The following ENOX1 variants were observed in gnomAD, a reference collection of about 807,000 sequenced individuals.
The protein encoded by ENOX1 is ecto-NOX disulfide-thiol exchanger 1.
ENOX1 carries 42 observed loss-of-function variants against 82.5 expected under a neutral mutation model. That is an observed-to-expected ratio of 0.51 (90% CI 0.40 to 0.66). The LOEUF (loss-of-function observed/expected upper bound fraction) is 0.66. Ranked by LOEUF, ENOX1 falls within the 30% of genes least tolerant of loss-of-function variation. The probability of loss-of-function intolerance (pLI) is 0.00; values close to 1 mark genes in which losing one functional copy is unlikely to be tolerated. For missense variants in ENOX1, 608 were observed against 811.6 expected, an observed-to-expected ratio of 0.75 and a Z score of 3.05; for synonymous variants, 271 against 282.2, an observed-to-expected ratio of 0.96 and a Z score of 0.40.
chr13:43,379,468 T>C (rs146139601), intron 5 of ENOX1, among the ~76,000 whole-genome samples: 6 of 152,110 alleles, frequency 3.9e-5, no homozygotes, highest in African/African-American at 1.4e-4. Flanking sequence ...AATAGAGAGA[T>C]GGAAGATTAA....
At chr13:43,754,995 C>T (rs1050711744) in intron 1 of ENOX1, among the ~76,000 whole-genome samples, 2 of 151,940 alleles carry the variant, frequency 1.3e-5, no homozygotes, top group Non-Finnish European at 1.5e-5. Flanking sequence ...TTCCTGCTTG[C>T]TGCATTGATT....
At chr13:43,569,161 C>T (rs745489028) in intron 2 of ENOX1, among the ~76,000 whole-genome samples, 18 of 152,130 alleles carry the variant, frequency 1.2e-4, no homozygotes, top group Non-Finnish European at 2.4e-4. Flanking sequence ...CTTCAATAGC[C>T]CTTCCTCACC....
intron 2 of ENOX1, among the ~76,000 whole-genome samples, chr13:43,643,834 TCTC>T (rs1330476456): frequency 6.6e-6 from 1 of 152,084 alleles, no homozygotes; most frequent in Non-Finnish European, 1.5e-5. Flanking sequence ...TTAACTTTCC[TCTC>T]CTCATCTCCC....
At chr13:43,521,746 T>C (rs1029799565) in intron 2 of ENOX1, among the ~76,000 whole-genome samples, 1 of 152,134 alleles carries the variant, frequency 6.6e-6, no homozygotes, top group Non-Finnish European at 1.5e-5. Flanking sequence ...TAAGCCTAAC[T>C]CTTCTACTGG....
At chr13:43,565,643 T>C (rs930689570) in intron 2 of ENOX1, among the ~76,000 whole-genome samples, 9 of 152,152 alleles carry the variant, frequency 5.9e-5, no homozygotes, top group Admixed American at 2.0e-4. Context: ...CAGTTAAGTT[T>C]AGTTAATTTT....
At chr13:43,237,436 T>C (rs1018296680) in intron 14 of ENOX1, among the ~76,000 whole-genome samples, 1 of 152,166 alleles carries the variant, frequency 6.6e-6, no homozygotes, top group African/African-American at 2.4e-5. Flanking sequence ...TGGAGAGTGA[T>C]TTAATGGAAA....
Position 43,693,018 on chromosome 13 carries a change from CTA to C in ENOX1, c.-284-25476_-284-25475del, listed in dbSNP as rs534773871. On this transcript the variant is annotated intron_variant, in intron 1 of 16. Coordinates refer to ENST00000690772, the MANE Select transcript of ENOX1 (RefSeq NM_001347969.2). ...CGCATATTTACAAAAAAAGCTACAC[CTA>C]TGTTATAAATTTATTTTAAAAACTA... Among the ~76,000 whole-genome samples, 346 of 152,074 alleles carry C rather than the reference CTA, an allele frequency of 2.3e-3. 1 individual carries two copies. The highest frequency in any genetic ancestry group is 6.8e-3 in the South Asian group (33 of 4,824).
At chr13:43,434,936 GGTTTTTTTT>G (rs371634345) in intron 3 of ENOX1, among the ~76,000 whole-genome samples, 37 of 67,848 alleles carry the variant, frequency 5.5e-4, no homozygotes, top group African/African-American at 1.7e-3. Context: ...GTGTGTGTGT[GGTTTTTTTT>G]TTTTTTTTTT....
At chr13:43,348,403 T>C (rs1594075879) in intron 8 of ENOX1, among the ~76,000 whole-genome samples, 1 of 152,212 alleles carries the variant, frequency 6.6e-6, no homozygotes, top group Non-Finnish European at 1.5e-5. Context: ...GTTTTTCCCT[T>C]TGTATTTTAT....
At chr13:43,336,035 A>C (rs1350207632) in intron 9 of ENOX1, among the ~76,000 whole-genome samples, 1 of 152,262 alleles carries the variant, frequency 6.6e-6, no homozygotes, top group African/African-American at 2.4e-5. Flanking sequence ...AAAACCTGTC[A>C]CATTGCTAAA....
At chr13:43,643,129 ATGTGC>A (rs1277325887) in intron 2 of ENOX1, among the ~76,000 whole-genome samples, 13 of 152,216 alleles carry the variant, frequency 8.5e-5, no homozygotes, top group African/African-American at 3.1e-4. Flanking sequence ...TGTCGCACAA[ATGTGC>A]AAGCTCCCCT....
At chr13:43,654,279 T>C (rs756220104) in intron 2 of ENOX1, among the ~76,000 whole-genome samples, 3 of 152,190 alleles carry the variant, frequency 2.0e-5, no homozygotes, top group Non-Finnish European at 2.9e-5. Context: ...TCTAGCCTGC[T>C]AACTTGCCCT....
intron 2 of ENOX1, among the ~76,000 whole-genome samples, chr13:43,651,828 AGCCGGGGGTAGTG>A (rs2084192396): frequency 1.3e-5 from 2 of 151,898 alleles, no homozygotes; most frequent in Admixed American, 1.3e-4. Context: ...TACAAAAATT[AGCCGGGGGTAGTG>A]GCACATGCCT....
At chr13:43,426,025 T>A (rs1433046280) in intron 3 of ENOX1, among the ~76,000 whole-genome samples, 2 of 152,246 alleles carry the variant, frequency 1.3e-5, no homozygotes, top group African/African-American at 4.8e-5. Flanking sequence ...TTATGTTTGA[T>A]CTGATATGGA....
intron 1 of ENOX1, among the ~76,000 whole-genome samples, chr13:43,687,543 T>C (rs556590133): frequency 6.6e-6 from 1 of 152,316 alleles, no homozygotes; most frequent in South Asian, 2.1e-4. Flanking sequence ...TAATCACTTA[T>C]TTTCTTTGAA....
At chr13:43,594,495 T>G (rs543960470) in intron 2 of ENOX1, among the ~76,000 whole-genome samples, 2 of 152,346 alleles carry the variant, frequency 1.3e-5, no homozygotes, top group South Asian at 2.1e-4. Context: ...TTAGTTATTT[T>G]GTTTAAGCTG....
Position 43,213,907 on chromosome 13 carries a change from A to AC in ENOX1, c.*82dup. 6.6e-7 allele frequency: 1 copy of AC among 1,523,206 alleles called. No homozygotes were observed. Among genetic ancestry groups the AC allele is most frequent in the Middle Eastern group, 1.8e-4 (1 of 5,706 alleles). The allele number at this position is 1,523,206 out of a possible 1,614,324, so 94.4% of individuals were successfully genotyped here. A position where few individuals can be genotyped will look rare whatever the true frequency, so the allele number is the denominator to read the frequency against. ...TCCACAAAGGTTGCGTGCTGGACCA[A>AC]CCCCACACCTCCTGCTTCCCCGTCG... On this transcript the variant is annotated 3_prime_UTR_variant, in exon 17 of 17. Coordinates refer to ENST00000690772, the MANE Select transcript of ENOX1 (RefSeq NM_001347969.2).
At chr13:43,569,290 T>C (rs904714538) in intron 2 of ENOX1, among the ~76,000 whole-genome samples, 3 of 152,080 alleles carry the variant, frequency 2.0e-5, no homozygotes, top group Admixed American at 1.3e-4. Context: ...CATAAGCATA[T>C]AAAGATCACC....
intron 3 of ENOX1, among the ~76,000 whole-genome samples, chr13:43,468,647 A>C (rs935223650): frequency 2.0e-5 from 3 of 152,014 alleles, no homozygotes; most frequent in African/African-American, 4.8e-5. Flanking sequence ...AAAAAAAAAA[A>C]AACAAAGCCA....
Sources: gnomAD v4.1 joint callset for allele counts (sites outside exome capture counted in the v4.1 genomes callset) on GRCh38, gnomAD v4.1.1 for gene constraint, MANE v1.5 for transcripts, NCBI Gene and HGNC (gene_info 2026-07-23, HGNC 2026-07-21) for gene names.